Variants in PARP12 observed in about 807,000 individuals in gnomAD.
PARP12 encodes protein mono-ADP-ribosyltransferase PARP12.
A neutral mutation model predicts 72.4 loss-of-function variants in PARP12; 59 were observed. That is an observed-to-expected ratio of 0.81 (90% CI 0.66 to 1.01). The LOEUF (loss-of-function observed/expected upper bound fraction) is 1.01. Among genes scored for constraint, PARP12 ranks in the 50% least tolerant of loss-of-function variants. PARP12 has a pLI of 0.00. For missense variants in PARP12, 851 were observed against 914.0 expected (o/e 0.93, Z 0.89); for synonymous variants, 403 against 371.4 (o/e 1.09, Z -0.98).
intron 10 of PARP12, 151 bp downstream of exon 10, chr7:140,027,125 G>T: frequency 9.2e-7 from 1 of 1,088,694 alleles, no homozygotes; most frequent in Non-Finnish European, 1.3e-6. Flanking sequence ...CCCTGGGGGA[G>T]CGGACGAAGG....
chr7:140,025,701 T>A (rs530198645), intron 11 of PARP12: 6 of 321,038 alleles, frequency 1.9e-5, no homozygotes, highest in South Asian at 1.5e-4. Flanking sequence ...ATTATTCCAA[T>A]TTTCTTGAAT....
At position 140,062,774 on chromosome 7, in the gene PARP12, T is replaced by G; in HGVS notation, c.74A>C (p.Glu25Ala). Reference protein sequence around the residue: ...CAAGGALELPELRRRLRMGLS... With the variant: ...CAAGGALELPALRRRLRMGLS... Reference sequence around the variant, plus strand: ...GCCCATCCGCAAGCGGCGCCGCAGCTCGGGCAACTCCAGGGCGCCCCCGGC... The same window carrying G: ...GCCCATCCGCAAGCGGCGCCGCAGCGCGGGCAACTCCAGGGCGCCCCCGGC... The change falls in exon 1 of 12, where the codon GAG (glutamate) becomes GCG (alanine). Residue 25 changes from glutamate (E) to alanine (A), a missense_variant. Transcript: ENST00000263549. 2.1e-6 allele frequency: 3 copies of G among 1,400,804 alleles called. No individual in the cohort carries two copies. Among genetic ancestry groups the G allele is most frequent in the Non-Finnish European group, 2.8e-6 (3 of 1,073,514 alleles). The allele number at this position is 1,400,804 out of a possible 1,614,324, so 86.8% of individuals were successfully genotyped here.
chr7:140,024,968 T>A, intron 11 of PARP12, 83 bp from the exon 12 acceptor site: 3 of 1,300,112 alleles, frequency 2.3e-6, no homozygotes, highest in Non-Finnish European at 3.2e-6. Flanking sequence ...GTCCTGGTGA[T>A]GTGCAACGCC....
At chr7:140,039,098 G>T (rs1267516635) in intron 6 of PARP12, among the ~76,000 whole-genome samples, 1 of 152,222 alleles carries the variant, frequency 6.6e-6, no homozygotes, top group East Asian at 1.9e-4. Flanking sequence ...ATAATGGTTT[G>T]TAAAGCAGCC....
intron 5 of PARP12, among the ~76,000 whole-genome samples, chr7:140,044,256 T>C (rs1816619900): frequency 6.6e-6 from 1 of 152,246 alleles, no homozygotes; most frequent in African/African-American, 2.4e-5. Context: ...GTCTAATCCC[T>C]GGTACCCATG....
intron 3 of PARP12, among the ~76,000 whole-genome samples, chr7:140,055,706 C>CA (rs1204582683): frequency 6.6e-6 from 1 of 152,196 alleles, no homozygotes; most frequent in Admixed American, 6.5e-5. Flanking sequence ...CAACTGTATT[C>CA]AAGGCTGTAA....
Position 140,026,213 on chromosome 7 carries a change from G to A in PARP12, c.1764C>T (p.Gly588=), listed in dbSNP as rs1569526281. ...ATGCCTTACCCTTGCCGTAGGAAGT[G>A]CCATGAACACCACAGACCCGCCAGT... is the stretch of plus-strand genomic sequence containing the variant. ...NFDWRVCGVH[G]TSYGKGSYFA... is the part of the protein sequence containing the mutation. The change falls in exon 11 of 12, where the codon GGC becomes GGT. Residue 588 remains glycine (G), a synonymous_variant. Coordinates refer to ENST00000263549, the MANE Select transcript of PARP12 (RefSeq NM_022750.4). The A allele has an allele frequency of 6.2e-7, 1 of 1,614,110 alleles. No individual in the cohort carries two copies. The highest frequency in any genetic ancestry group is 8.5e-7 in the Non-Finnish European group (1 of 1,180,044).
intron 1 of PARP12, among the ~76,000 whole-genome samples, chr7:140,058,967 T>C (rs1817318665): frequency 6.6e-6 from 1 of 151,772 alleles, no homozygotes; most frequent in Admixed American, 6.6e-5. Flanking sequence ...AGGTGGTGCA[T>C]GCCTGTAATC....
At chr7:140,046,801 T>TGG in intron 5 of PARP12, 83 bp downstream of exon 5, 1 of 418,324 alleles carries the variant, frequency 2.4e-6, no homozygotes, top group Non-Finnish European at 3.7e-6. Flanking sequence ...CTGCTCACAG[T>TGG]GTGTGTGTGT....
intron 4 of PARP12, among the ~76,000 whole-genome samples, chr7:140,049,010 AT>A (rs1264940698): frequency 2.0e-5 from 3 of 152,192 alleles, no homozygotes; most frequent in Non-Finnish European, 2.9e-5. Flanking sequence ...AAACTAGCTA[AT>A]TTGATACTTG....
intron 7 of PARP12, among the ~76,000 whole-genome samples, chr7:140,036,608 T>C (rs2116555337): frequency 6.6e-6 from 1 of 152,224 alleles, no homozygotes; most frequent in Non-Finnish European, 1.5e-5. Flanking sequence ...CACCAGACAC[T>C]TCACTATACT....
chr7:140,040,608 T>C (rs962655420), intron 6 of PARP12, among the ~76,000 whole-genome samples: 1 of 152,192 alleles, frequency 6.6e-6, no homozygotes, highest in African/African-American at 2.4e-5. Flanking sequence ...CCTGCCCTCA[T>C]GGAGCTTACA....
intron 1 of PARP12, among the ~76,000 whole-genome samples, chr7:140,061,796 C>G (rs1324674383): frequency 1.3e-5 from 2 of 152,156 alleles, no homozygotes; most frequent in Admixed American, 6.5e-5. Flanking sequence ...ATTCTACTGG[C>G]AGCTGGGTGC....
intron 2 of PARP12, chr7:140,057,615 T>C: frequency 2.2e-6 from 1 of 444,668 alleles, no homozygotes. Context: ...TACCACCCTT[T>C]CATTTCTCAA....
At chr7:140,034,545 GA>G (rs1228595409) in intron 7 of PARP12, 1 of 369,448 alleles carries the variant, frequency 2.7e-6, no homozygotes, top group Non-Finnish European at 5.1e-6. Flanking sequence ...ATGAATAGAG[GA>G]ATGATTAGTA....
chr7:140,059,667 A>G (rs1817360575), intron 1 of PARP12, among the ~76,000 whole-genome samples: 1 of 152,206 alleles, frequency 6.6e-6, no homozygotes, highest in Non-Finnish European at 1.5e-5. Flanking sequence ...CCAGCTCAGT[A>G]AAAGGCAACT....
At position 140,046,799 on chromosome 7, in the gene PARP12, A is replaced by AGTGTGTGTGTGTGTGT. The variant is rs3216987; in HGVS notation, c.986+69_986+84dup. On this transcript the variant is annotated intron_variant, in intron 5 of 11. Transcript: ENST00000263549. ...GGCACCTCCAGACTAGGCTGCTCAC[A>AGTGTGTGTGTGTGTGT]GTGTGTGTGTGTGTGTGTGTGTGTG... The AGTGTGTGTGTGTGTGT allele has an allele frequency of 2.0e-3, 1,713 of 868,566 alleles. 18 individuals carry two copies. Among genetic ancestry groups the AGTGTGTGTGTGTGTGT allele is most frequent in the African/African-American group, 5.8e-3 (239 of 41,368 alleles). The allele number at this position is 868,566 out of a possible 1,614,324, so 53.8% of individuals were successfully genotyped here. A position where few individuals can be genotyped will look rare whatever the true frequency, so the allele number is the denominator to read the frequency against.
chr7:140,029,931 C>G (rs922372261), intron 8 of PARP12, among the ~76,000 whole-genome samples: 1 of 152,140 alleles, frequency 6.6e-6, no homozygotes, highest in Non-Finnish European at 1.5e-5. Flanking sequence ...TGAATATGAT[C>G]AGAACCTAAG....
chr7:140,062,178 G>A (rs1204194488), intron 1 of PARP12, among the ~76,000 whole-genome samples: 2 of 152,132 alleles, frequency 1.3e-5, no homozygotes, highest in African/African-American at 2.4e-5. Context: ...AAGCTGGCAA[G>A]GGGCGACCCG....
Sources: gnomAD v4.1 joint callset for allele counts (sites outside exome capture counted in the v4.1 genomes callset) on GRCh38, gnomAD v4.1.1 for gene constraint, MANE v1.5 for transcripts, NCBI Gene and HGNC (gene_info 2026-07-23, HGNC 2026-07-21) for gene names.